The following QTMAN variants were observed in gnomAD, a reference collection of about 807,000 sequenced individuals.
The protein encoded by QTMAN is queuosine-tRNA mannosyltransferase.
chr2:144,235,448 T>C, the QTMAN span, among the ~76,000 whole-genome samples: 2 of 152,126 alleles, frequency 1.3e-5, no homozygotes, highest in African/African-American at 4.8e-5. Context: ...TTATCTACTA[T>C]AGATGTATGA....
the QTMAN span, among the ~76,000 whole-genome samples, chr2:144,133,195 A>T: frequency 2.5e-4 from 20 of 79,500 alleles, no homozygotes; most frequent in African/African-American, 1.2e-3. Flanking sequence ...ATAAATTTAT[A>T]TATATATATT....
the QTMAN span, among the ~76,000 whole-genome samples, chr2:144,146,688 A>G: frequency 6.6e-6 from 1 of 151,910 alleles, no homozygotes; most frequent in Non-Finnish European, 1.5e-5. Context: ...GGTGCCTATT[A>G]CATACGGACA....
the QTMAN span, among the ~76,000 whole-genome samples, chr2:143,959,415 G>C: frequency 1.3e-5 from 2 of 151,974 alleles, no homozygotes; most frequent in Non-Finnish European, 2.9e-5. Flanking sequence ...TTAGTTTATT[G>C]CTAAGAATTT....
chr2:144,255,457 C>T, the QTMAN span, among the ~76,000 whole-genome samples: 2 of 152,148 alleles, frequency 1.3e-5, no homozygotes, highest in Admixed American at 6.5e-5. Context: ...TTTCCTGACG[C>T]CTCTCCAGCC....
the QTMAN span, among the ~76,000 whole-genome samples, chr2:144,150,698 T>C: frequency 5.9e-5 from 9 of 152,070 alleles, no homozygotes; most frequent in Non-Finnish European, 1.0e-4. Flanking sequence ...CCTAGATGAA[T>C]TTCACCTACC....
chr2:144,047,243 C>T, the QTMAN span, among the ~76,000 whole-genome samples: 2 of 152,078 alleles, frequency 1.3e-5, no homozygotes, highest in East Asian at 1.9e-4. Context: ...TGTCCTCCAG[C>T]CTGGGTGACA....
chr2:144,285,296 A>C, the QTMAN span, among the ~76,000 whole-genome samples: 9 of 152,152 alleles, frequency 5.9e-5, no homozygotes. Context: ...AAGTTTCTTA[A>C]TTTTATCATT....
the QTMAN span, among the ~76,000 whole-genome samples, chr2:144,102,440 T>C: frequency 6.6e-6 from 1 of 152,236 alleles, no homozygotes; most frequent in Non-Finnish European, 1.5e-5. Flanking sequence ...TGGGGTTGTT[T>C]TACTTTTGAC....
chr2:144,038,113 T>C, the QTMAN span, among the ~76,000 whole-genome samples: 3 of 152,226 alleles, frequency 2.0e-5, no homozygotes, highest in Admixed American at 6.5e-5. Flanking sequence ...TCAGGGCAAG[T>C]GCTCGAGAAA....
chr2:144,053,527 G>GT, the QTMAN span, among the ~76,000 whole-genome samples: 2 of 152,170 alleles, frequency 1.3e-5, no homozygotes, highest in Non-Finnish European at 2.9e-5. Flanking sequence ...TAGAAACTTA[G>GT]TAACAGTACC....
At chr2:144,035,824 T>A in the QTMAN span, among the ~76,000 whole-genome samples, 1 of 152,216 alleles carries the variant, frequency 6.6e-6, no homozygotes, top group Non-Finnish European at 1.5e-5. Flanking sequence ...TTAGAGCATA[T>A]TTACTCTGAA....
the QTMAN span, among the ~76,000 whole-genome samples, chr2:144,066,134 T>G: frequency 6.6e-6 from 1 of 152,288 alleles, no homozygotes; most frequent in East Asian, 1.9e-4. Context: ...CCTTTTTCTT[T>G]CCTCTCATTC....
the QTMAN span, among the ~76,000 whole-genome samples, chr2:144,163,654 A>G: frequency 3.9e-5 from 6 of 152,230 alleles, no homozygotes; most frequent in Non-Finnish European, 8.8e-5. Flanking sequence ...TGCAAATTAT[A>G]TGGCAAACAG....
chr2:144,307,760 C>T, the QTMAN span, among the ~76,000 whole-genome samples: 1 of 152,000 alleles, frequency 6.6e-6, no homozygotes, highest in Non-Finnish European at 1.5e-5. Context: ...TCCTATTCAC[C>T]TAGGACAAAT....
At chr2:143,997,667 A>T in the QTMAN span, among the ~76,000 whole-genome samples, 1 of 152,136 alleles carries the variant, frequency 6.6e-6, no homozygotes, top group East Asian at 1.9e-4. Context: ...CCATAAAATA[A>T]TGAAATCCTT....
At chr2:144,041,305 G>A in the QTMAN span, among the ~76,000 whole-genome samples, 1 of 152,112 alleles carries the variant, frequency 6.6e-6, no homozygotes, top group African/African-American at 2.4e-5. Flanking sequence ...ATCGGGGAAG[G>A]AAATGTACCA....
chr2:144,148,282 A>G, the QTMAN span, among the ~76,000 whole-genome samples: 4 of 151,790 alleles, frequency 2.6e-5, no homozygotes, highest in African/African-American at 9.7e-5. Context: ...ACTACTAATA[A>G]TAAATATTAA....
the QTMAN span, among the ~76,000 whole-genome samples, chr2:143,968,064 C>G: frequency 6.6e-6 from 1 of 152,148 alleles, no homozygotes; most frequent in Admixed American, 6.5e-5. Context: ...ACCAGCAAAG[C>G]GGCCTTCTAA....
chr2:144,260,131 T>C, the QTMAN span, among the ~76,000 whole-genome samples: 1 of 152,172 alleles, frequency 6.6e-6, no homozygotes, highest in African/African-American at 2.4e-5. Context: ...AATTGTTTTT[T>C]TCAACTTTAG....
Sources: gnomAD v4.1 joint callset for allele counts (sites outside exome capture counted in the v4.1 genomes callset) on GRCh38, gnomAD v4.1.1 for gene constraint, MANE v1.5 for transcripts, NCBI Gene and HGNC (gene_info 2026-07-23, HGNC 2026-07-21) for gene names.